Variants in CD300A observed in about 807,000 individuals in gnomAD.
CD300A encodes the protein CD300a molecule, also known as CMRF35-like molecule 8.
A neutral mutation model predicts 33.6 loss-of-function variants in CD300A; 22 were observed. That is an observed-to-expected ratio of 0.66 (90% confidence interval 0.47 to 0.94). The LOEUF (loss-of-function observed/expected upper bound fraction) is 0.94, where lower values mean the gene tolerates loss of function less well. CD300A is among the 40% of genes least tolerant of loss of function. The pLI is 0.00. For synonymous variants in CD300A, 136 were observed against 148.1 expected (o/e 0.92, Z 0.59); for missense variants, 326 against 360.5 (o/e 0.90, Z 0.77).
intron 1 of CD300A, among the ~76,000 whole-genome samples, chr17:74,469,668 C>G (rs563794280): frequency 1.3e-5 from 2 of 152,156 alleles, no homozygotes; most frequent in Non-Finnish European, 2.9e-5. Flanking sequence ...CTCCTAAAAA[C>G]ACAAAATTAG....
intron 5 of CD300A, 31 bp from the exon 6 acceptor site, chr17:74,481,695 G>C: frequency 6.6e-7 from 1 of 1,521,100 alleles, no homozygotes; most frequent in Non-Finnish European, 9.0e-7. Context: ...GGGCTCCGTG[G>C]ACACCCACCT....
intron 3 of CD300A, 135 bp downstream of exon 3, chr17:74,474,820 A>T: frequency 1.2e-6 from 1 of 800,934 alleles, no homozygotes; most frequent in Non-Finnish European, 1.8e-6. Flanking sequence ...TGGAAGCCAT[A>T]GTCTGAACAC....
intron 1 of CD300A, among the ~76,000 whole-genome samples, 196 bp from the exon 2 acceptor site, chr17:74,473,340 A>G (rs796493325): frequency 5.3e-5 from 8 of 152,060 alleles, no homozygotes; most frequent in African/African-American, 1.9e-4. Context: ...TCCGGTCTCC[A>G]TGGAAAGCCT....
At chr17:74,476,521 G>T (rs1167506974) in intron 3 of CD300A, among the ~76,000 whole-genome samples, 1 of 152,142 alleles carries the variant, frequency 6.6e-6, no homozygotes, top group Non-Finnish European at 1.5e-5. Context: ...TGGGTTGGTG[G>T]GTGGGTAATC....
chr17:74,476,493 G>T (rs944939111), intron 3 of CD300A, among the ~76,000 whole-genome samples: 1 of 152,180 alleles, frequency 6.6e-6, no homozygotes, highest in Non-Finnish European at 1.5e-5. Flanking sequence ...GGGCCTGAAG[G>T]TTGTGCAGTT....
chr17:74,470,236 G>A lies in CD300A; in HGVS notation c.41-3300G>A, dbSNP rs149028115. ...GGGAGCACTGGGGATCCATGTGATC[G>A]TTCCAGGTAAGTGGGGAAGTAAATG... On this transcript the variant is annotated intron_variant, in intron 1 of 6. Transcript: ENST00000360141. 5.6e-3 allele frequency: 5,479 copies of A among 985,376 alleles called. 21 individuals carry two copies. The highest frequency in any genetic ancestry group is 6.3e-3 in the Non-Finnish European group (5,223 of 829,910). The allele number at this position is 985,376 out of a possible 1,614,324, so 61.0% of individuals were successfully genotyped here.
rs1376319073 is a variant in CD300A at position 74,484,320 on chromosome 17, G to A, written c.*194G>A. ...TTCCCCGAGGGCCAGCAGGGCTGGG[G>A]GCTCCGGAGAGCAGCAGGAAGCACT... is the stretch of plus-strand genomic sequence containing the variant. On this transcript the variant is annotated 3_prime_UTR_variant, in exon 7 of 7. Transcript: ENST00000360141. The A allele has an allele frequency of 5.7e-6, 3 of 529,484 alleles. No homozygotes were observed. The highest frequency in any genetic ancestry group is 6.6e-5 in the East Asian group (2 of 30,178). 32.8% of individuals were successfully genotyped at this position (529,484 alleles called of 1,614,324 possible).
At chr17:74,471,097 C>T (rs1316945112) in intron 1 of CD300A, among the ~76,000 whole-genome samples, 2 of 152,224 alleles carry the variant, frequency 1.3e-5, no homozygotes, top group African/African-American at 4.8e-5. Context: ...CACGTGTGCA[C>T]CAGCACACCT....
intron 3 of CD300A, among the ~76,000 whole-genome samples, chr17:74,476,767 T>C (rs984472788): frequency 1.3e-5 from 2 of 152,232 alleles, no homozygotes; most frequent in Admixed American, 6.5e-5. Context: ...ATCCATGTGT[T>C]GGAATACCCT....
intron 1 of CD300A, among the ~76,000 whole-genome samples, chr17:74,467,593 C>T (rs1027009176): frequency 2.0e-5 from 3 of 152,222 alleles, no homozygotes; most frequent in Admixed American, 2.0e-4. Context: ...TCAGACAGCT[C>T]CTGTGCAGAC....
rs142037438 is a variant in CD300A at position 74,473,711 on chromosome 17, C to T, written c.216C>T (p.Asn72=). 7.5e-5 allele frequency: 121 copies of T among 1,614,242 alleles called. No homozygotes were observed. Among genetic ancestry groups the T allele is most frequent in the Middle Eastern group, 1.6e-4 (1 of 6,062 alleles). The change falls in exon 2 of 7, where the codon AAC becomes AAT. Residue 72 remains asparagine, a synonymous_variant. Coordinates refer to ENST00000360141, the MANE Select transcript of CD300A (RefSeq NM_007261.4). The part of the protein sequence containing the change: ...VETKGSAGKR[N]GRVSIRDSPA... ...CCAAAGGGTCAGCAGGAAAAAGGAA[C>T]GGCCGAGTGTCCATCAGGGACAGTC...
chr17:74,484,011 G>A lies in CD300A; in HGVS notation c.785G>A (p.Arg262Lys). The A allele has an allele frequency of 6.2e-7, 1 of 1,613,918 alleles. No homozygotes were observed. Among genetic ancestry groups the A allele is most frequent in the Non-Finnish European group, 8.5e-7 (1 of 1,179,892 alleles). The change falls in exon 7 of 7, where the codon AGG (arginine) becomes AAG (lysine). Residue 262 changes from arginine (R) to lysine (K), a missense_variant. Arg to Lys is a conservative substitution (Grantham distance 26, BLOSUM62 2). Transcript: ENST00000360141. ...EVEYSTVASP[R>K]EELHYASVVF... ...GGTTTCTCTCTGCAGGCCTCCCCCAGGGAAGAACTTCACTATGCCTCGGTG... is the reference window on the plus strand; with the variant it reads ...GGTTTCTCTCTGCAGGCCTCCCCCAAGGAAGAACTTCACTATGCCTCGGTG...
At chr17:74,474,327 A>G (rs1906319581) in intron 2 of CD300A, among the ~76,000 whole-genome samples, 1 of 152,194 alleles carries the variant, frequency 6.6e-6, no homozygotes. Flanking sequence ...ATGGAAAATC[A>G]GGACCACTGG....
rs148317045 is a variant in CD300A, at chr17:74,482,577, G to A, written c.774+744G>A. On this transcript the variant is annotated intron_variant, in intron 6 of 6. Transcript: ENST00000360141. The stretch of plus-strand genomic sequence containing the variant: ...GAGGGGATCCAGACCTGCCACTTCC[G>A]GGTCCCCTGATAGCCGCACCGTTCC... Among the ~76,000 whole-genome samples, 101 of 151,416 alleles carry A rather than the reference G, an allele frequency of 6.7e-4. 4 individuals are homozygous for A. The East Asian group carries it at 0.018, about 27-fold the overall frequency.
chr17:74,473,180 T>C (rs1386403004), intron 1 of CD300A, among the ~76,000 whole-genome samples: 2 of 151,260 alleles, frequency 1.3e-5, no homozygotes, highest in Admixed American at 6.6e-5. Flanking sequence ...ATCTTGAGGG[T>C]GGTAGAGCAG....
chr17:74,474,025 C>T (rs1906294683), intron 2 of CD300A, 151 bp downstream of exon 2: 1 of 854,736 alleles, frequency 1.2e-6, no homozygotes, highest in South Asian at 1.8e-5. Context: ...CAGGGGGTCT[C>T]TCCTGGAGCA....
chr17:74,466,692 G>A lies in CD300A; in HGVS notation c.-12G>A, dbSNP rs1265038824. ...AGCTGCTGCAAGTGCCGCCTGTGCT[G>A]GGGAAGGGACCATGTGGCTGCCTTG... is the stretch of plus-strand genomic sequence containing the variant. On this transcript the variant is annotated 5_prime_UTR_variant, in exon 1 of 7. Transcript: ENST00000360141. 5.0e-6 allele frequency: 8 copies of A among 1,593,746 alleles called. No individual in the cohort carries two copies. Among genetic ancestry groups the A allele is most frequent in the Non-Finnish European group, 6.8e-6 (8 of 1,169,742 alleles).
chr17:74,469,997 C>T (rs1473365652), intron 1 of CD300A: 3 of 985,064 alleles, frequency 3.0e-6, no homozygotes, highest in Non-Finnish European at 3.6e-6. Context: ...TGTGTGTGTT[C>T]CTCTTCTGAC....
In CD300A at chr17:74,473,576, C is replaced by T. The variant is rs369184896; in HGVS notation, c.81C>T (p.Pro27=). ...GCAAATGCAGGACCGTGGCGGGCCC[C>T]GTGGGGGGATCCCTGAGTGTGCAGT... ...ALSKCRTVAG[P]VGGSLSVQCP... Residue 27 remains proline, a synonymous_variant, in exon 2 of 7, where the codon CCC becomes CCT. Transcript: ENST00000360141. 103 of 1,613,866 alleles carry T rather than the reference C, an allele frequency of 6.4e-5. 1 individual carries two copies. The African/African-American group carries it at 7.2e-4, about 11-fold the overall frequency.
Sources: allele counts gnomAD v4.1 joint callset (sites outside exome capture counted in the v4.1 genomes callset), GRCh38; gene constraint gnomAD v4.1.1; transcripts MANE v1.5; gene names NCBI Gene and HGNC (gene_info 2026-07-23, HGNC 2026-07-21).